ATF1: variants seen among roughly 807,000 people sequenced by gnomAD.
The protein encoded by ATF1 is cyclic AMP-dependent transcription factor ATF-1.
A neutral mutation model predicts 34.7 loss-of-function variants in ATF1; 16 were observed. That is an observed-to-expected ratio of 0.46 (90% CI 0.31 to 0.70). The LOEUF (loss-of-function observed/expected upper bound fraction) is 0.70, where lower values mean the gene tolerates loss of function less well. Among genes scored for constraint, ATF1 ranks in the 30% least tolerant of loss-of-function variants. The pLI is 0.05. For missense variants in ATF1, 255 were observed against 321.6 expected (o/e 0.79, Z 1.58); for synonymous variants, 105 against 113.1 (o/e 0.93, Z 0.46).
chr12:50,780,097 C>A, intron 1 of ATF1, 43 bp from the exon 2 acceptor site: 1 of 1,415,280 alleles, frequency 7.1e-7, no homozygotes, highest in South Asian at 1.2e-5. Flanking sequence ...TGTAAACATT[C>A]TGTATCATAT....
chr12:50,811,694 T>G (rs193068039), intron 4 of ATF1, among the ~76,000 whole-genome samples: 1 of 149,710 alleles, frequency 6.7e-6, no homozygotes, highest in Admixed American at 6.7e-5. Context: ...CTCGGGAGGC[T>G]GAAATGGGAT....
At chr12:50,784,618 G>C (rs1941143984) in intron 2 of ATF1, among the ~76,000 whole-genome samples, 1 of 152,088 alleles carries the variant, frequency 6.6e-6, no homozygotes, top group Non-Finnish European at 1.5e-5. Flanking sequence ...TTTGTGTTTT[G>C]ATCTGGGTGA....
chr12:50,814,196 A>G lies in ATF1; in HGVS notation c.511+4A>G, dbSNP rs763554829. ...AGCAATCAGGTGGTCGTACAAAGTAAGTATGCTTTCTGTCTACAGAAAGTC... is the reference window on the plus strand; with the variant it reads ...AGCAATCAGGTGGTCGTACAAAGTAGGTATGCTTTCTGTCTACAGAAAGTC... On this transcript the variant is annotated splice_donor_region_variant and intron_variant, in intron 5 of 6. Transcript: ENST00000262053. The G allele has an allele frequency of 1.1e-5, 17 of 1,613,802 alleles. No homozygotes were observed. The South Asian group carries it at 1.5e-4, about 15-fold the overall frequency.
At chr12:50,818,683 C>T (rs1941891125) in intron 6 of ATF1, among the ~76,000 whole-genome samples, 1 of 152,156 alleles carries the variant, frequency 6.6e-6, no homozygotes, top group Non-Finnish European at 1.5e-5. Context: ...GATCTTGGCT[C>T]ACTGCAACCT....
chr12:50,782,318 C>T (rs181140905), intron 2 of ATF1, among the ~76,000 whole-genome samples: 1,669 of 151,906 alleles, frequency 0.011, 30 homozygotes, highest in African/African-American at 0.038. Context: ...TGCAGTGGCG[C>T]GATCTCGGCT....
intron 3 of ATF1, among the ~76,000 whole-genome samples, chr12:50,799,230 C>G (rs7304335): frequency 0.35 from 52,773 of 151,856 alleles, 9,411 homozygotes; most frequent in Non-Finnish European, 0.39. Context: ...ACAAAAAATA[C>G]AAAAATTAGC....
intron 1 of ATF1, among the ~76,000 whole-genome samples, chr12:50,776,158 A>G (rs984763589): frequency 1.8e-4 from 27 of 151,494 alleles, no homozygotes; most frequent in Non-Finnish European, 7.4e-5. Context: ...TAAAAATACA[A>G]AAAATTAGCT....
intron 4 of ATF1, among the ~76,000 whole-genome samples, chr12:50,813,683 G>A (rs1049047258): frequency 1.3e-5 from 2 of 151,886 alleles, no homozygotes; most frequent in Non-Finnish European, 2.9e-5. Flanking sequence ...GCATGGTGGC[G>A]CACACCTGTA....
At chr12:50,808,321 T>G (rs543663223) in intron 3 of ATF1, among the ~76,000 whole-genome samples, 28 of 152,198 alleles carry the variant, frequency 1.8e-4, no homozygotes, top group African/African-American at 6.3e-4. Flanking sequence ...TTTATTGTTT[T>G]TTTTTGTTTG....
chr12:50,786,272 G>C (rs1382270029), intron 2 of ATF1, among the ~76,000 whole-genome samples: 1 of 152,200 alleles, frequency 6.6e-6, no homozygotes, highest in East Asian at 1.9e-4. Context: ...ACAAGAATAA[G>C]TTGTATGTTC....
In ATF1 at chr12:50,814,012, G is replaced by A. The variant is rs1427074508; in HGVS notation, c.331G>A (p.Ala111Thr). ...IYQTSSGQYI[A>T]IAPNGALQLA... ...CTATTTTCTCTTTTTGATTAAAGTT[G>A]CCATTGCCCCAAATGGAGCCTTACA... Residue 111 changes from alanine to threonine, a missense_variant and splice_region_variant, in exon 5 of 7, where the codon GCC (alanine) becomes ACC (threonine). This residue lies in a region of ATF1 where 221 missense variants were observed against 250.7 expected (regional missense o/e 0.88). Transcript: ENST00000262053. 6.2e-7 allele frequency: 1 copy of A among 1,608,430 alleles called. No homozygotes were observed. Among genetic ancestry groups the A allele is most frequent in the Admixed American group, 1.7e-5 (1 of 58,236 alleles).
At chr12:50,773,241 C>G (rs951658377) in intron 1 of ATF1, among the ~76,000 whole-genome samples, 1 of 152,014 alleles carries the variant, frequency 6.6e-6, no homozygotes, top group Non-Finnish European at 1.5e-5. Context: ...GGGCATGTAT[C>G]TTTATAATAG....
intron 1 of ATF1, among the ~76,000 whole-genome samples, chr12:50,765,588 A>G (rs998592062): frequency 3.9e-5 from 6 of 152,172 alleles, no homozygotes; most frequent in African/African-American, 1.4e-4. Flanking sequence ...TCCATCTTAA[A>G]CAGGAGCTGG....
intron 3 of ATF1, among the ~76,000 whole-genome samples, chr12:50,798,183 T>C (rs562936149): frequency 1.3e-5 from 2 of 152,062 alleles, no homozygotes; most frequent in East Asian, 3.9e-4. Context: ...CTTAAGTGTA[T>C]ACTTCAGGAA....
intron 3 of ATF1, among the ~76,000 whole-genome samples, chr12:50,809,235 G>A (rs1941680180): frequency 6.6e-6 from 1 of 151,904 alleles, no homozygotes; most frequent in Non-Finnish European, 1.5e-5. Flanking sequence ...TTAGCTGGGT[G>A]TGGTGGCTCA....
chr12:50,767,501 A>C (rs1314953467), intron 1 of ATF1, among the ~76,000 whole-genome samples: 2 of 152,222 alleles, frequency 1.3e-5, no homozygotes, highest in African/African-American at 4.8e-5. Flanking sequence ...GCCTGGCAAC[A>C]GAGCGAGACT....
chr12:50,770,236 A>G (rs1315021494), intron 1 of ATF1, among the ~76,000 whole-genome samples: 5 of 152,246 alleles, frequency 3.3e-5, no homozygotes, highest in Non-Finnish European at 7.3e-5. Context: ...ACAGAATACA[A>G]TTGGAGAAAG....
At position 50,764,324 on chromosome 12, in the gene ATF1, G is replaced by A. The variant is rs1940567783; in HGVS notation, c.-7+17G>A. The A allele has an allele frequency of 1.3e-5, 2 of 151,974 alleles. 1 individual carries two copies. The highest frequency in any genetic ancestry group is 1.3e-4 in the Admixed American group (2 of 15,264). The allele number at this position is 151,974 out of a possible 1,614,324, so 9.4% of individuals were successfully genotyped here. On this transcript the variant is annotated intron_variant, in intron 1 of 6. Coordinates refer to ENST00000262053, the MANE Select transcript of ATF1 (RefSeq NM_005171.5). Reference sequence around the variant, plus strand: ...CAGCCACAGGTAAGTGGGGGGCGGGGAGGGACGTGCCCCGTGGCCCGGGCG... The same window carrying A: ...CAGCCACAGGTAAGTGGGGGGCGGGAAGGGACGTGCCCCGTGGCCCGGGCG...
At chr12:50,765,653 A>G (rs1940615334) in intron 1 of ATF1, among the ~76,000 whole-genome samples, 2 of 152,308 alleles carry the variant, frequency 1.3e-5, no homozygotes, top group South Asian at 2.1e-4. Flanking sequence ...AAGGCATTCT[A>G]AGTCACAGGA....
Sources: gnomAD v4.1 joint callset for allele counts (sites outside exome capture counted in the v4.1 genomes callset) on GRCh38, gnomAD v4.1.1 for gene constraint, gnomAD v4.1.1 regional missense constraint, MANE v1.5 for transcripts, NCBI Gene and HGNC (gene_info 2026-07-23, HGNC 2026-07-21) for gene names.